The following STPG2 variants were observed in gnomAD, a reference collection of about 807,000 sequenced individuals.
STPG2 encodes the protein sperm tail PG-rich repeat containing 2.
Under a neutral mutation model 54.2 loss-of-function variants are expected in STPG2, and 56 were observed. The ratio of observed to expected loss-of-function variants is 1.03; its 90% CI spans 0.83 to 1.29. The LOEUF is 1.29. Among genes scored for constraint, STPG2 ranks in the 50% most tolerant of loss-of-function variants. STPG2 has a pLI of 0.00. For synonymous variants in STPG2, 200 were observed against 181.8 expected (o/e 1.10, Z -0.81); for missense variants, 596 against 544.9 (o/e 1.09, Z -0.93).
chr4:97,863,655 T>C (rs1204546641), intron 8 of STPG2, among the ~76,000 whole-genome samples: 1 of 152,012 alleles, frequency 6.6e-6, no homozygotes, highest in Non-Finnish European at 1.5e-5. Context: ...AAAAAGAGAA[T>C]TTTAGACCAA....
chr4:97,567,753 C>T (rs1380826812), intron 10 of STPG2, among the ~76,000 whole-genome samples: 1 of 151,662 alleles, frequency 6.6e-6, no homozygotes, highest in Non-Finnish European at 1.5e-5. Context: ...TTGTATATTA[C>T]ATATAGATAA....
intron 8 of STPG2, among the ~76,000 whole-genome samples, chr4:97,929,851 C>G (rs1732476638): frequency 6.6e-6 from 1 of 152,056 alleles, no homozygotes; most frequent in South Asian, 2.1e-4. Flanking sequence ...TGATAGTTTC[C>G]TTTACTGTGG....
chr4:97,827,222 T>C (rs946331923), intron 9 of STPG2, among the ~76,000 whole-genome samples: 2 of 150,912 alleles, frequency 1.3e-5, no homozygotes, highest in Non-Finnish European at 2.9e-5. Flanking sequence ...AGGAAACTTT[T>C]GAGCTATAGA....
chr4:97,479,586 A>G (rs1422672213), intron 4 of STPG2, among the ~76,000 whole-genome samples: 1 of 151,956 alleles, frequency 6.6e-6, no homozygotes, highest in African/African-American at 2.4e-5. Flanking sequence ...AGAATTGATT[A>G]GCATCTAGAT....
chr4:97,688,914 T>C (rs1723281951), intron 10 of STPG2, among the ~76,000 whole-genome samples: 1 of 152,172 alleles, frequency 6.6e-6, no homozygotes, highest in Admixed American at 6.5e-5. Context: ...CAGAAAGATA[T>C]ATACATAGCA....
intron 4 of STPG2, among the ~76,000 whole-genome samples, chr4:97,484,677 T>C (rs527537839): frequency 1.8e-4 from 27 of 151,774 alleles, no homozygotes; most frequent in African/African-American, 3.4e-4. Flanking sequence ...TTCCATAAGA[T>C]AGAGAAAGAG....
At chr4:98,123,118 T>C (rs1739728544) in intron 3 of STPG2, among the ~76,000 whole-genome samples, 1 of 152,152 alleles carries the variant, frequency 6.6e-6, no homozygotes, top group East Asian at 1.9e-4. Context: ...TATCAGTCTA[T>C]CTATTTTATT....
At chr4:97,977,179 C>T (rs779722149) in intron 6 of STPG2, among the ~76,000 whole-genome samples, 15 of 152,154 alleles carry the variant, frequency 9.9e-5, no homozygotes, top group Non-Finnish European at 1.8e-4. Context: ...CTTAACTTCC[C>T]TTTTACTTCT....
chr4:98,032,267 A>C (rs894498181), intron 5 of STPG2, among the ~76,000 whole-genome samples: 1 of 152,216 alleles, frequency 6.6e-6, no homozygotes, highest in Non-Finnish European at 1.5e-5. Context: ...TTGCACATGC[A>C]TGTTTATAGC....
intron 7 of STPG2, among the ~76,000 whole-genome samples, chr4:97,961,763 C>T (rs1489543375): frequency 2.6e-5 from 4 of 152,022 alleles, no homozygotes; most frequent in Non-Finnish European, 5.9e-5. Flanking sequence ...ATGGTCAGAA[C>T]GTAAACTAGT....
chr4:97,830,306 T>C (rs1728411299), intron 9 of STPG2, among the ~76,000 whole-genome samples: 1 of 152,080 alleles, frequency 6.6e-6, no homozygotes. Flanking sequence ...ATAAAATCCA[T>C]TAAAGACAAT....
chr4:98,101,865 T>TCCCCCCC (rs34686297), intron 5 of STPG2, among the ~76,000 whole-genome samples: 7 of 145,820 alleles, frequency 4.8e-5, no homozygotes, highest in Non-Finnish European at 7.5e-5. Context: ...TTCATTATCT[T>TCCCCCCC]CCCCCTCCCC....
intron 4 of STPG2, among the ~76,000 whole-genome samples, chr4:97,489,281 G>A (rs1272465445): frequency 6.6e-6 from 1 of 151,656 alleles, no homozygotes; most frequent in African/African-American, 2.4e-5. Context: ...TTGGCATTGT[G>A]AAAACAGACT....
rs150443121 is a variant in STPG2 at position 97,498,611 on chromosome 4, C to T, written c.462+214088G>A. 4.3e-3 allele frequency among the ~76,000 whole-genome samples: 639 copies of T among 149,596 alleles called. 3 individuals carry two copies. Among genetic ancestry groups the T allele is most frequent in the South Asian group, 0.02 (98 of 4,784 alleles). On this transcript the variant is annotated intron_variant, in intron 4 of 4. Transcript: ENST00000522676. The stretch of plus-strand genomic sequence containing the variant: ...AATCTACAGCTGGAAAGGTAAAAAG[C>T]AACCTGAAAAAAAAAATAATGATCT...
At chr4:97,951,487 T>A (rs1427985452) in intron 7 of STPG2, among the ~76,000 whole-genome samples, 1 of 152,168 alleles carries the variant, frequency 6.6e-6, no homozygotes, top group African/African-American at 2.4e-5. Context: ...TTTATTTGAC[T>A]GTGTTTTTTT....
chr4:97,585,930 T>C (rs1732987724), intron 10 of STPG2, among the ~76,000 whole-genome samples: 1 of 151,638 alleles, frequency 6.6e-6, no homozygotes, highest in Non-Finnish European at 1.5e-5. Context: ...AGATGAAATG[T>C]CTAAGATATA....
intron 8 of STPG2, among the ~76,000 whole-genome samples, chr4:97,905,391 C>A (rs1731366163): frequency 6.6e-6 from 1 of 151,956 alleles, no homozygotes; most frequent in Admixed American, 6.6e-5. Flanking sequence ...AAATACTTTA[C>A]AGACAAGCAA....
intron 5 of STPG2, among the ~76,000 whole-genome samples, chr4:98,044,099 A>G (rs762943145): frequency 1.3e-5 from 2 of 152,046 alleles, no homozygotes; most frequent in Non-Finnish European, 2.9e-5. Context: ...TCCCCTCACA[A>G]TATATGCTAT....
chr4:97,747,805 C>T (rs973100940), intron 9 of STPG2, among the ~76,000 whole-genome samples: 1 of 151,436 alleles, frequency 6.6e-6, no homozygotes, highest in Non-Finnish European at 1.5e-5. Flanking sequence ...TCTTGTTCAA[C>T]AATCATTGCT....
Sources: allele counts gnomAD v4.1 joint callset (sites outside exome capture counted in the v4.1 genomes callset), GRCh38; gene constraint gnomAD v4.1.1; transcripts MANE v1.5; gene names NCBI Gene and HGNC (gene_info 2026-07-23, HGNC 2026-07-21).